The following RHPN2 variants were observed in gnomAD, a reference collection of about 807,000 sequenced individuals.
The protein encoded by RHPN2 is rhophilin-2.
Under a neutral mutation model 79.0 loss-of-function variants are expected in RHPN2, and 40 were observed. The ratio of observed to expected loss-of-function variants is 0.51; its 90% CI spans 0.39 to 0.66. The LOEUF is 0.66. Among genes scored for constraint, RHPN2 ranks in the 30% least tolerant of loss-of-function variants. RHPN2 has a pLI of 0.00. For missense variants in RHPN2, 686 were observed against 883.5 expected, an observed-to-expected ratio of 0.78 and a Z score of 2.83; for synonymous variants, 285 against 363.5, an observed-to-expected ratio of 0.78 and a Z score of 2.46.
intron 4 of RHPN2, among the ~76,000 whole-genome samples, chr19:33,018,815 C>A (rs112458086): frequency 0.044 from 6,655 of 151,776 alleles, 464 homozygotes; most frequent in African/African-American, 0.15. Context: ...GAGGCCGAGG[C>A]GGGTGGATCG....
chr19:33,054,019 T>C (rs532722625), intron 1 of RHPN2, among the ~76,000 whole-genome samples: 4 of 147,432 alleles, frequency 2.7e-5, no homozygotes, highest in Admixed American at 1.4e-4. Flanking sequence ...ACCACCACAC[T>C]TGGCTAATTT....
intron 2 of RHPN2, among the ~76,000 whole-genome samples, chr19:33,030,652 C>T (rs1402918248): frequency 6.6e-6 from 1 of 152,182 alleles, no homozygotes; most frequent in Admixed American, 6.5e-5. Flanking sequence ...TGCACACACA[C>T]AGACACATGC....
intron 2 of RHPN2, among the ~76,000 whole-genome samples, chr19:33,034,114 T>C (rs1972035089): frequency 6.7e-6 from 1 of 149,954 alleles, no homozygotes; most frequent in South Asian, 2.2e-4. Context: ...TGCCTCATCC[T>C]CCCAAAGTGC....
chr19:33,044,647 C>T (rs575623033), intron 1 of RHPN2, among the ~76,000 whole-genome samples: 2 of 152,252 alleles, frequency 1.3e-5, no homozygotes, highest in African/African-American at 4.8e-5. Flanking sequence ...AATCCCAGAA[C>T]TTTGGAAGGC....
chr19:32,980,536 T>G (rs1394718533), intron 14 of RHPN2, among the ~76,000 whole-genome samples: 1 of 151,914 alleles, frequency 6.6e-6, no homozygotes, highest in Non-Finnish European at 1.5e-5. Context: ...ACCCAGGAGG[T>G]GGAGGTTGCA....
intron 7 of RHPN2, among the ~76,000 whole-genome samples, chr19:33,005,524 G>A (rs541819528): frequency 2.0e-4 from 29 of 146,624 alleles, no homozygotes; most frequent in Non-Finnish European, 4.2e-4. Context: ...TGTCCAAAGC[G>A]CTAACTGACA....
chr19:33,037,912 AAAAT>A (rs1972071556), intron 2 of RHPN2, among the ~76,000 whole-genome samples: 1 of 152,184 alleles, frequency 6.6e-6, no homozygotes, highest in South Asian at 2.1e-4. Context: ...CTCCTCTCAA[AAAAT>A]AAATAAATAG....
At position 32,996,299 on chromosome 19, in the gene RHPN2, G is replaced by A. The variant is rs1470000782; in HGVS notation, c.1226-79C>T. ...AAAGGCCCAAGGGGCAGCCCAAGAG[G>A]TTGGATGTTCTCTTTTCTAAAGGAT... On this transcript the variant is annotated intron_variant, in intron 10 of 14. Transcript: ENST00000254260. 1.3e-5 allele frequency: 19 copies of A among 1,481,518 alleles called. No homozygotes were observed. The East Asian group carries it at 4.1e-4, about 32-fold the overall frequency. The allele number at this position is 1,481,518 out of a possible 1,614,324, so 91.8% of individuals were successfully genotyped here.
At chr19:33,045,049 A>AT (rs1972131015) in intron 1 of RHPN2, among the ~76,000 whole-genome samples, 1 of 127,132 alleles carries the variant, frequency 7.9e-6, no homozygotes, top group Non-Finnish European at 1.6e-5. Context: ...CTGAGTATCT[A>AT]CTTTTTTTTT....
Position 33,044,887 on chromosome 19 carries a change from G to A in RHPN2, c.70-523C>T, listed in dbSNP as rs552164817. ...CCAGCCTCGGCAACCAAAGTGAGAC[G>A]CTGTCTCAAAAATAAATAAATTAAT... On this transcript the variant is annotated intron_variant, in intron 1 of 14. Transcript: ENST00000254260. Among the ~76,000 whole-genome samples, 5 of 152,080 alleles carry A rather than the reference G, an allele frequency of 3.3e-5. No homozygotes were observed. The South Asian group carries it at 8.3e-4, about 25-fold the overall frequency.
chr19:33,026,236 CA>C (rs1193715443), intron 3 of RHPN2, among the ~76,000 whole-genome samples: 1 of 151,998 alleles, frequency 6.6e-6, no homozygotes, highest in Admixed American at 6.6e-5. Flanking sequence ...CTCAGCCTCC[CA>C]AAGTGTTGGG....
At chr19:33,057,143 G>A (rs1431050297) in intron 1 of RHPN2, among the ~76,000 whole-genome samples, 1 of 136,502 alleles carries the variant, frequency 7.3e-6, no homozygotes, top group African/African-American at 3.1e-5. Context: ...AAAAGAGTTC[G>A]AGGCCAGCCC....
intron 12 of RHPN2, among the ~76,000 whole-genome samples, chr19:32,992,908 G>T (rs1190342240): frequency 6.6e-6 from 1 of 150,734 alleles, no homozygotes; most frequent in African/African-American, 2.4e-5. Context: ...CAGGAGTATG[G>T]TTTGAGCCCA....
chr19:33,025,065 T>G (rs1971954998), intron 3 of RHPN2, among the ~76,000 whole-genome samples: 1 of 152,088 alleles, frequency 6.6e-6, no homozygotes, highest in Non-Finnish European at 1.5e-5. Flanking sequence ...CATAGTTAGA[T>G]CTCCATTTTT....
chr19:33,024,328 G>A (rs947029082), intron 3 of RHPN2, among the ~76,000 whole-genome samples: 3 of 152,162 alleles, frequency 2.0e-5, no homozygotes, highest in Non-Finnish European at 4.4e-5. Flanking sequence ...AGCTACTCAG[G>A]AGGCTGAGGC....
chr19:33,023,966 G>A (rs1308119483), intron 3 of RHPN2, among the ~76,000 whole-genome samples: 30 of 152,150 alleles, frequency 2.0e-4, no homozygotes, highest in Non-Finnish European at 4.4e-5. Context: ...TGTGTTGCAC[G>A]TCCCTGCTCT....
intron 1 of RHPN2, among the ~76,000 whole-genome samples, chr19:33,063,072 G>T (rs574959952): frequency 6.6e-6 from 1 of 152,062 alleles, no homozygotes; most frequent in African/African-American, 2.4e-5. Flanking sequence ...AGCAACTTGC[G>T]GGAGGCCACA....
intron 2 of RHPN2, among the ~76,000 whole-genome samples, chr19:33,030,302 T>C (rs889541910): frequency 7.2e-5 from 11 of 152,038 alleles, no homozygotes; most frequent in African/African-American, 2.7e-4. Flanking sequence ...CAGTAAGAAA[T>C]ACATTTTAAG....
At chr19:33,021,529 A>T in intron 4 of RHPN2, 42 bp downstream of exon 4, 2 of 1,552,746 alleles carry the variant, frequency 1.3e-6, no homozygotes, top group Non-Finnish European at 1.8e-6. Flanking sequence ...GCCTATTTCC[A>T]TTTTAAACAC....
Sources: allele counts gnomAD v4.1 joint callset (sites outside exome capture counted in the v4.1 genomes callset), GRCh38; gene constraint gnomAD v4.1.1; transcripts MANE v1.5; gene names NCBI Gene and HGNC (gene_info 2026-07-23, HGNC 2026-07-21).